Variants in ARHGEF3 observed in about 807,000 individuals in gnomAD.
The protein encoded by ARHGEF3 is Rho guanine nucleotide exchange factor 3.
Under a neutral mutation model 63.2 loss-of-function variants are expected in ARHGEF3, and 28 were observed. The ratio of observed to expected loss-of-function variants is 0.44; its 90% CI spans 0.33 to 0.61. The LOEUF (loss-of-function observed/expected upper bound fraction) is 0.61, where lower values mean the gene tolerates loss of function less well. Ranked by LOEUF, ARHGEF3 falls within the 20% of genes least tolerant of loss-of-function variation. The pLI is 0.03. For missense variants in ARHGEF3, 533 were observed against 659.3 expected, an observed-to-expected ratio of 0.81 and a Z score of 2.10; for synonymous variants, 266 against 254.2, an observed-to-expected ratio of 1.05 and a Z score of -0.44.
chr3:56,778,926 G>A (rs2036412212), intron 1 of ARHGEF3, among the ~76,000 whole-genome samples: 1 of 152,012 alleles, frequency 6.6e-6, no homozygotes, highest in Non-Finnish European at 1.5e-5. Context: ...AGCTGTATTC[G>A]GTCTTCAGGC....
At chr3:56,790,786 A>G (rs2037041992) in intron 1 of ARHGEF3, among the ~76,000 whole-genome samples, 3 of 152,214 alleles carry the variant, frequency 2.0e-5, no homozygotes, top group South Asian at 4.1e-4. Flanking sequence ...CCCCTCGGCC[A>G]TCTGGCCCAA....
At chr3:57,055,882 A>C (rs1163574413) in intron 1 of ARHGEF3, among the ~76,000 whole-genome samples, 1 of 152,220 alleles carries the variant, frequency 6.6e-6, no homozygotes, top group Non-Finnish European at 1.5e-5. Flanking sequence ...CCATAAGTCC[A>C]TTTTGACAAC....
At chr3:56,814,820 G>C (rs2038207181) in intron 4 of ARHGEF3, among the ~76,000 whole-genome samples, 1 of 152,162 alleles carries the variant, frequency 6.6e-6, no homozygotes. Context: ...AGAGTGAAGA[G>C]TGAACTGACC....
At chr3:57,063,647 A>C (rs1302078703) in intron 1 of ARHGEF3, among the ~76,000 whole-genome samples, 2 of 152,174 alleles carry the variant, frequency 1.3e-5, no homozygotes. Flanking sequence ...AGAGTCGGGC[A>C]TCCTAGAAGC....
chr3:56,890,002 C>T (rs990130638), intron 3 of ARHGEF3, among the ~76,000 whole-genome samples: 5 of 152,172 alleles, frequency 3.3e-5, no homozygotes, highest in African/African-American at 1.2e-4. Context: ...GCAGAGGCTG[C>T]AGTGAGCCAA....
chr3:56,819,469 C>G (rs1388195633), intron 4 of ARHGEF3, among the ~76,000 whole-genome samples: 2 of 150,436 alleles, frequency 1.3e-5, no homozygotes, highest in Non-Finnish European at 3.0e-5. Flanking sequence ...TCTAACAATT[C>G]TTATTACTAC....
At chr3:57,002,930 C>A (rs903048152) in intron 2 of ARHGEF3, among the ~76,000 whole-genome samples, 1 of 151,370 alleles carries the variant, frequency 6.6e-6, no homozygotes, top group Non-Finnish European at 1.5e-5. Context: ...CACGCCACCA[C>A]GCCCGGCTAA....
chr3:57,002,498 T>A (rs201835980), intron 2 of ARHGEF3, among the ~76,000 whole-genome samples: 479 of 13,462 alleles, frequency 0.036, 40 homozygotes, highest in African/African-American at 0.098. Flanking sequence ...TATATATATG[T>A]TATATATATA....
At chr3:57,075,236 A>G (rs1378938242) in intron 1 of ARHGEF3, 1 of 166,360 alleles carries the variant, frequency 6.0e-6, no homozygotes, top group Non-Finnish European at 1.5e-5. Context: ...CTTCATCTCC[A>G]TTACACTGGC....
At chr3:56,905,596 T>C (rs1461457515) in intron 3 of ARHGEF3, among the ~76,000 whole-genome samples, 1 of 152,206 alleles carries the variant, frequency 6.6e-6, no homozygotes, top group Non-Finnish European at 1.5e-5. Flanking sequence ...GAAACAGAAC[T>C]GTTGGGGTCA....
At chr3:56,943,406 T>C (rs1699286642) in intron 3 of ARHGEF3, among the ~76,000 whole-genome samples, 1 of 152,212 alleles carries the variant, frequency 6.6e-6, no homozygotes, top group Non-Finnish European at 1.5e-5. Flanking sequence ...GATGACTTAC[T>C]GAATATTTTA....
intron 3 of ARHGEF3, among the ~76,000 whole-genome samples, chr3:56,917,061 T>G (rs760181358): frequency 3.9e-5 from 6 of 152,230 alleles, no homozygotes; most frequent in Non-Finnish European, 8.8e-5. Flanking sequence ...TGACATTTCT[T>G]GTTTTATGAA....
chr3:56,748,734 A>ATGCTAGGGTCAG (rs2034554972), intron 6 of ARHGEF3, among the ~76,000 whole-genome samples: 1 of 152,108 alleles, frequency 6.6e-6, no homozygotes, highest in East Asian at 1.9e-4. Flanking sequence ...GGGAAGGCTT[A>ATGCTAGGGTCAG]CTCAAACAGG....
intron 3 of ARHGEF3, chr3:56,916,453 C>CCCG: frequency 7.0e-7 from 1 of 1,426,254 alleles, no homozygotes; most frequent in East Asian, 2.7e-5. Context: ...GGAACTCCTC[C>CCCG]CCGCCACTTG....
chr3:56,984,020 T>C (rs1187578012), intron 2 of ARHGEF3, among the ~76,000 whole-genome samples: 2 of 150,052 alleles, frequency 1.3e-5, no homozygotes, highest in South Asian at 2.1e-4. Context: ...TCACCCCACA[T>C]AGAAGGACCC....
intron 2 of ARHGEF3, among the ~76,000 whole-genome samples, chr3:56,995,620 CGAGAGAGAGAGAGAGAGAGAGAGAGA>C (rs66778716): frequency 0.13 from 14,456 of 113,284 alleles, 998 homozygotes; most frequent in East Asian, 0.33. Flanking sequence ...GTAAATTTTC[CGAGAGAGAGAGAGAGAGAGAGAGAGA>C]GAGAGAGAGA....
At chr3:56,739,249 C>G (rs2033845118) in intron 7 of ARHGEF3, among the ~76,000 whole-genome samples, 1 of 152,098 alleles carries the variant, frequency 6.6e-6, no homozygotes, top group South Asian at 2.1e-4. Flanking sequence ...TTGATAAGGC[C>G]TCTTCTTCGT....
At chr3:56,875,442 A>G (rs2040554804) in intron 4 of ARHGEF3, among the ~76,000 whole-genome samples, 1 of 152,202 alleles carries the variant, frequency 6.6e-6, no homozygotes, top group Non-Finnish European at 1.5e-5. Context: ...AGACATATTT[A>G]TGGAGCAACT....
chr3:56,828,555 A>G (rs1559974003), intron 4 of ARHGEF3, among the ~76,000 whole-genome samples: 1 of 151,818 alleles, frequency 6.6e-6, no homozygotes, highest in Non-Finnish European at 1.5e-5. Flanking sequence ...ACTAAACTAA[A>G]CCAAAAAAAC....
Sources: allele counts gnomAD v4.1 joint callset (sites outside exome capture counted in the v4.1 genomes callset), GRCh38; gene constraint gnomAD v4.1.1; transcripts MANE v1.5; gene names NCBI Gene and HGNC (gene_info 2026-07-23, HGNC 2026-07-21).